The following ATP12A variants were observed in gnomAD, a reference collection of about 807,000 sequenced individuals.
The protein encoded by ATP12A is ATPase H+/K+ transporting non-gastric alpha2 subunit.
Under a neutral mutation model 111.2 loss-of-function variants are expected in ATP12A, and 81 were observed. The ratio of observed to expected loss-of-function variants is 0.73; its 90% confidence interval spans 0.61 to 0.88. ATP12A has a LOEUF of 0.88. ATP12A is among the 40% of genes least tolerant of loss of function. ATP12A has a pLI of 0.00. For synonymous variants in ATP12A, 498 were observed against 499.8 expected (o/e 1.00, Z 0.05); for missense variants, 1,196 against 1,313.1 (o/e 0.91, Z 1.38).
At chr13:24,689,847 G>A (rs1265594208) in intron 5 of ATP12A, among the ~76,000 whole-genome samples, 2 of 152,142 alleles carry the variant, frequency 1.3e-5, no homozygotes, top group African/African-American at 4.8e-5. Context: ...AGAGATTCTG[G>A]GTGGAAAAGA....
rs139171595 is a variant in ATP12A, at chr13:24,711,498, G to A, written c.3096G>A (p.Trp1032Ter). The A allele has an allele frequency of 1.9e-5, 30 of 1,614,150 alleles. 1 individual carries two copies. In the African/African-American group the frequency reaches 2.8e-4, roughly 15 times the overall value. Residue 1032 changes from tryptophan to a stop codon, truncating the protein, a stop_gained, in exon 23 of 23, where the codon TGG becomes TGA. Coordinates refer to ENST00000381946, the MANE Select transcript of ATP12A (RefSeq NM_001676.7). LOFTEE classifies it high-confidence loss of function. ...TACTTTTTTCTACCTCTACAGGCTG[G>A]TGGGATAAGAACATGTATTATTAAG... ...KLFIRLYPGS[W>*]WDKNMYY
chr13:24,694,320 C>T lies in ATP12A; in HGVS notation c.1378-124C>T, dbSNP rs1376161523. ...CCACGGTCTTGCGGCCCTCCCTGAT[C>T]ACGTGATAATGTCTCTCCAGCTAGG... On this transcript the variant is annotated intron_variant, in intron 10 of 22. Transcript: ENST00000381946. 3.2e-6 allele frequency: 4 copies of T among 1,266,336 alleles called. No individual in the cohort carries two copies. The African/African-American group carries it at 4.5e-5, about 14-fold the overall frequency. The allele number at this position is 1,266,336 out of a possible 1,614,324, so 78.4% of individuals were successfully genotyped here.
chr13:24,709,478 C>A lies in ATP12A; in HGVS notation c.2608C>A (p.Leu870Met), dbSNP rs781029638. 5.0e-6 allele frequency: 8 copies of A among 1,613,806 alleles called. No individual in the cohort carries two copies. In the Admixed American group the frequency reaches 1.2e-4, roughly 24 times the overall value. The stretch of plus-strand genomic sequence containing the variant: ...CCAGCCGCTCGCTGTGTACTCATAC[C>A]TGCACATTGGTACGATGAGGGCGCG... ...VNQPLAVYSY[L>M]HIGLMQALGA... Residue 870 changes from leucine to methionine, a missense_variant, in exon 18 of 23, where the codon CTG becomes ATG. Physicochemically the swap from Leu to Met is conservative, Grantham distance 15. This residue lies in a region of ATP12A where 1,126 missense variants were observed against 1,228.5 expected (regional missense o/e 0.92). Coordinates refer to ENST00000381946, the MANE Select transcript of ATP12A (RefSeq NM_001676.7).
Position 24,709,645 on chromosome 13 carries a change from A to T in ATP12A, c.2618-38A>T, listed in dbSNP as rs750390779. The T allele has an allele frequency of 2.1e-5, 34 of 1,606,574 alleles. 1 individual carries two copies. In the South Asian group the frequency reaches 3.6e-4, roughly 17 times the overall value. ...CAGGATGAGGCAGTTTCCTGAGGCC[A>T]TCATAGAACCTGTGTCCTATCTCTC... On this transcript the variant is annotated intron_variant, in intron 18 of 22. Transcript: ENST00000381946.
intron 10 of ATP12A, 85 bp downstream of exon 10, chr13:24,692,981 C>A: frequency 7.8e-7 from 1 of 1,282,488 alleles, no homozygotes; most frequent in South Asian, 1.3e-5. Flanking sequence ...GATTTCATCT[C>A]TCCAGTTGCT....
chr13:24,710,500 C>T lies in ATP12A; in HGVS notation c.2804C>T (p.Thr935Met), dbSNP rs761472175. ...GAATACCTAGAATGGACGGGCTACA[C>T]GGCTTTCTTTGTTGGCATCCTAGTC... ...QREYLEWTGY[T>M]AFFVGILVQQ... Residue 935 changes from threonine (T) to methionine (M), a missense_variant, in exon 20 of 23, where the codon ACG becomes ATG. Thr to Met is a moderately conservative substitution (Grantham distance 81). Coordinates refer to ENST00000381946, the MANE Select transcript of ATP12A (RefSeq NM_001676.7). 1.1e-5 allele frequency: 17 copies of T among 1,614,098 alleles called. No homozygotes were observed. The highest frequency in any genetic ancestry group is 2.2e-5 in the South Asian group (2 of 91,084).
intron 10 of ATP12A, among the ~76,000 whole-genome samples, chr13:24,693,271 A>T (rs1007270970): frequency 1.3e-5 from 2 of 152,176 alleles, no homozygotes; most frequent in African/African-American, 4.8e-5. Context: ...TGTTAACTAG[A>T]ATATGGCTGC....
chr13:24,689,586 C>G (rs895426), intron 5 of ATP12A, among the ~76,000 whole-genome samples: 52,391 of 152,036 alleles, frequency 0.34, 9,613 homozygotes, highest in East Asian at 0.54. Context: ...GCTGGTTAGC[C>G]CAAGGCATCT....
chr13:24,690,466 G>T lies in ATP12A; in HGVS notation c.675G>T (p.Gly225=). The T allele has an allele frequency of 6.2e-7, 1 of 1,613,840 alleles. No individual in the cohort carries two copies. ...ACATCAGGGTGCTGTCTTCTCAGGG[G>T]TGTCGGGTAAGCGGCAAGGGGTATC... ...PADIRVLSSQ[G]CRVDNSSLTG... is the part of the protein sequence containing the mutation. The change falls in exon 6 of 23, where the codon GGG becomes GGT. Residue 225 remains glycine, a synonymous_variant. Coordinates refer to ENST00000381946, the MANE Select transcript of ATP12A (RefSeq NM_001676.7).
chr13:24,681,477 C>T, intron 1 of ATP12A, 85 bp from the exon 2 acceptor site: 1 of 1,478,958 alleles, frequency 6.8e-7, no homozygotes, highest in Non-Finnish European at 9.2e-7. Flanking sequence ...CTGACTCCTG[C>T]AGGTCCTGAC....
intron 2 of ATP12A, among the ~76,000 whole-genome samples, chr13:24,683,892 T>C (rs1282658929): frequency 6.6e-6 from 1 of 152,204 alleles, no homozygotes; most frequent in Non-Finnish European, 1.5e-5. Context: ...AGCAGCATAT[T>C]GAATGCTTTT....
chr13:24,689,580 G>C (rs1391871048), intron 5 of ATP12A, among the ~76,000 whole-genome samples: 1 of 152,204 alleles, frequency 6.6e-6, no homozygotes, highest in Non-Finnish European at 1.5e-5. Flanking sequence ...GGCAGTGCTG[G>C]TTAGCCCAAG....
At chr13:24,699,187 C>T (rs767713530) in intron 12 of ATP12A, among the ~76,000 whole-genome samples, 4 of 152,124 alleles carry the variant, frequency 2.6e-5, no homozygotes, top group Admixed American at 6.5e-5. Flanking sequence ...GCGTGGGGCA[C>T]ATTGGGTGCT....
chr13:24,690,947 G>A (rs1278355171), intron 7 of ATP12A, 35 bp from the exon 8 acceptor site: 1 of 1,610,616 alleles, frequency 6.2e-7, no homozygotes, highest in South Asian at 1.1e-5. Flanking sequence ...TCCTGGCTGA[G>A]GACCCCTGGA....
chr13:24,690,314 A>G, intron 5 of ATP12A, 24 bp from the exon 6 acceptor site: 4 of 1,612,436 alleles, frequency 2.5e-6, no homozygotes, highest in Non-Finnish European at 3.4e-6. Flanking sequence ...GGTCTGAGGC[A>G]TCTGTCATGG....
At position 24,688,528 on chromosome 13, in the gene ATP12A, G is replaced by A. The variant is rs1478898749; in HGVS notation, c.432+6G>A. On this transcript the variant is annotated splice_donor_region_variant and intron_variant, in intron 4 of 22. Coordinates refer to ENST00000381946, the MANE Select transcript of ATP12A (RefSeq NM_001676.7). Reference sequence around the variant, plus strand: ...AGTCTGCATCCCTGAACAACGTAAGGCTCTGGGGTGTCCCCTCCTGGTTTT... The same window carrying A: ...AGTCTGCATCCCTGAACAACGTAAGACTCTGGGGTGTCCCCTCCTGGTTTT... 10 of 1,536,090 alleles carry A rather than the reference G, an allele frequency of 6.5e-6. No individual in the cohort carries two copies. The highest frequency in any genetic ancestry group is 5.7e-5 in the Admixed American group (3 of 52,944).
At chr13:24,706,737 A>G (rs1875666139) in intron 15 of ATP12A, among the ~76,000 whole-genome samples, 1 of 152,346 alleles carries the variant, frequency 6.6e-6, no homozygotes, top group South Asian at 2.1e-4. Context: ...GGTAGTTGTG[A>G]GTAAAGAGAG....
Position 24,690,711 on chromosome 13 carries a change from G to A in ATP12A, c.789G>A (p.Thr263=), listed in dbSNP as rs917703076. The A allele has an allele frequency of 1.9e-5, 30 of 1,613,110 alleles. No individual in the cohort carries two copies. In the East Asian group the frequency reaches 2.7e-4, roughly 14 times the overall value. The change falls in exon 7 of 23, where the codon ACG becomes ACA. Residue 263 remains threonine (T), a synonymous_variant. Transcript: ENST00000381946. Reference sequence around the variant, plus strand: ...AGAACATCTGCTTCTATTCCACAACGTGTCTGGAAGGTAAAAGGCCTCTGG... The same window carrying A: ...AGAACATCTGCTTCTATTCCACAACATGTCTGGAAGGTAAAAGGCCTCTGG... ...ETKNICFYST[T]CLEGTVTGMV...
intron 1 of ATP12A, among the ~76,000 whole-genome samples, chr13:24,681,316 C>T (rs989103741): frequency 2.6e-5 from 4 of 152,130 alleles, no homozygotes; most frequent in Admixed American, 6.5e-5. Context: ...GAAGGGTCAC[C>T]CTGAGGAGCT....
Sources: gnomAD v4.1 joint callset for allele counts (sites outside exome capture counted in the v4.1 genomes callset) on GRCh38, gnomAD v4.1.1 for gene constraint, gnomAD v4.1.1 regional missense constraint, MANE v1.5 for transcripts, NCBI Gene and HGNC (gene_info 2026-07-23, HGNC 2026-07-21) for gene names.